Variants in RANBP2 observed in about 807,000 individuals in gnomAD.
RANBP2 encodes RAN binding protein 2.
RANBP2 carries 57 observed loss-of-function variants against 303.6 expected under a neutral mutation model. The observed-to-expected ratio is 0.19, with a 90% CI of 0.15 to 0.23. The LOEUF (loss-of-function observed/expected upper bound fraction) is 0.23. Among genes scored for constraint, RANBP2 ranks in the 10% least tolerant of loss-of-function variants. RANBP2 has a pLI of 1.00. For missense variants in RANBP2, 3,138 were observed against 3,780.8 expected (o/e 0.83, Z 4.46); for synonymous variants, 1,167 against 1,301.5 (o/e 0.90, Z 2.23).
the RANBP2 span, among the ~76,000 whole-genome samples, chr2:109,093,039 T>C: frequency 6.6e-6 from 1 of 152,218 alleles, no homozygotes; most frequent in African/African-American, 2.4e-5. Context: ...CTTGTGACCA[T>C]GTGGGGATAC....
the RANBP2 span, among the ~76,000 whole-genome samples, chr2:109,441,211 A>C: frequency 2.0e-5 from 3 of 152,270 alleles, no homozygotes; most frequent in East Asian, 3.9e-4. Context: ...TGAGGCATGC[A>C]AAGGAGCAGG....
the RANBP2 span, among the ~76,000 whole-genome samples, chr2:109,249,532 T>TTTCTTTCCTTCCTTCCTTCC: frequency 1.0e-5 from 1 of 96,450 alleles, no homozygotes; most frequent in Non-Finnish European, 2.0e-5. Flanking sequence ...TCTTTCTTTC[T>TTTCTTTCCTTCCTTCCTTCC]TTCCTTCCTT....
the RANBP2 span, among the ~76,000 whole-genome samples, chr2:109,523,579 C>T: frequency 3.3e-5 from 5 of 152,172 alleles, no homozygotes; most frequent in Non-Finnish European, 7.3e-5. Flanking sequence ...ACCTTTCAAC[C>T]ATAACTCATT....
chr2:109,469,325 G>A, the RANBP2 span, among the ~76,000 whole-genome samples: 1 of 152,250 alleles, frequency 6.6e-6, no homozygotes, highest in East Asian at 1.9e-4. Flanking sequence ...CCTGGGGTGT[G>A]TGGCATGCGG....
chr2:109,220,865 C>CTGTA, the RANBP2 span, among the ~76,000 whole-genome samples: 1 of 152,234 alleles, frequency 6.6e-6, no homozygotes, highest in Non-Finnish European at 1.5e-5. Flanking sequence ...CATGCAATTA[C>CTGTA]TGTATAATTT....
At chr2:109,079,968 A>C in the RANBP2 span, among the ~76,000 whole-genome samples, 1 of 152,210 alleles carries the variant, frequency 6.6e-6, no homozygotes, top group Non-Finnish European at 1.5e-5. Flanking sequence ...AGGCATGAGG[A>C]CGCATTTCTG....
chr2:108,725,486 G>C (rs919898097), intron 1 of RANBP2, among the ~76,000 whole-genome samples: 1 of 152,212 alleles, frequency 6.6e-6, no homozygotes, highest in Admixed American at 6.5e-5. Flanking sequence ...AACTGGCTGG[G>C]CTCAATGGCT....
the RANBP2 span, among the ~76,000 whole-genome samples, chr2:109,338,839 C>G: frequency 6.6e-6 from 1 of 152,126 alleles, no homozygotes; most frequent in Admixed American, 6.5e-5. Context: ...GCCATTGCGC[C>G]AAGTCTTGCA....
the RANBP2 span, among the ~76,000 whole-genome samples, chr2:109,032,593 G>A: frequency 6.6e-6 from 1 of 151,740 alleles, no homozygotes; most frequent in Admixed American, 6.6e-5. Flanking sequence ...CCATGGGGTG[G>A]GGTGGGGGAG....
chr2:108,774,238 A>G (rs552552092), intron 23 of RANBP2, among the ~76,000 whole-genome samples: 6 of 152,234 alleles, frequency 3.9e-5, no homozygotes, highest in East Asian at 3.9e-4. Context: ...CTTGTTATAA[A>G]TTTTTGGGTT....
chr2:108,746,977 A>T (rs1423908558), intron 8 of RANBP2, among the ~76,000 whole-genome samples, 179 bp downstream of exon 8: 2 of 152,256 alleles, frequency 1.3e-5, no homozygotes, highest in Non-Finnish European at 2.9e-5. Flanking sequence ...TTCTTTAAAA[A>T]AATGAATATT....
At chr2:109,574,502 A>T in the RANBP2 span, 3 of 858,596 alleles carry the variant, frequency 3.5e-6, no homozygotes, top group Non-Finnish European at 4.8e-6. Context: ...GTTACAATAT[A>T]TATCCATATT....
chr2:108,916,562 G>A, the RANBP2 span, among the ~76,000 whole-genome samples: 1 of 152,162 alleles, frequency 6.6e-6, no homozygotes, highest in African/African-American at 2.4e-5. Context: ...TCACCGGATG[G>A]TTCCCTCCAA....
chr2:109,269,450 C>T, the RANBP2 span, among the ~76,000 whole-genome samples: 3 of 152,182 alleles, frequency 2.0e-5, no homozygotes, highest in South Asian at 2.1e-4. Flanking sequence ...ATCCAGCCCC[C>T]CTTTCTTCTG....
At chr2:109,148,542 C>T in the RANBP2 span, among the ~76,000 whole-genome samples, 1 of 152,216 alleles carries the variant, frequency 6.6e-6, no homozygotes, top group African/African-American at 2.4e-5. Context: ...GGGAATATTA[C>T]TGCTGACTGG....
At chr2:109,353,406 T>C in the RANBP2 span, among the ~76,000 whole-genome samples, 1 of 152,226 alleles carries the variant, frequency 6.6e-6, no homozygotes, top group African/African-American at 2.4e-5. Flanking sequence ...CACCCCACAC[T>C]GAGACTCCCT....
chr2:109,275,410 C>T, the RANBP2 span, among the ~76,000 whole-genome samples: 1,206 of 152,274 alleles, frequency 7.9e-3, 9 homozygotes, highest in Non-Finnish European at 0.011. Flanking sequence ...AGGAGGGTTC[C>T]GTGACCCTCC....
chr2:109,133,160 C>T, the RANBP2 span, among the ~76,000 whole-genome samples: 1 of 152,270 alleles, frequency 6.6e-6, no homozygotes, highest in East Asian at 1.9e-4. Context: ...GGTGTCACTC[C>T]AGAATTCTGT....
rs972066666 is a variant in RANBP2, at chr2:108,784,128, G to A, written c.*227G>A. The A allele has an allele frequency of 2.3e-5, 12 of 517,738 alleles. No homozygotes were observed. The highest frequency in any genetic ancestry group is 4.1e-5 in the Non-Finnish European group (12 of 289,776). The allele number at this position is 517,738 out of a possible 1,614,324, so 32.1% of individuals were successfully genotyped here. Reference sequence around the variant, plus strand: ...GTATTTCAGGTGTACTTGTGTTTATGTACTCCTGACGTATTAAAATGGAAT... The same window carrying A: ...GTATTTCAGGTGTACTTGTGTTTATATACTCCTGACGTATTAAAATGGAAT... On this transcript the variant is annotated 3_prime_UTR_variant, in exon 29 of 29. Transcript: ENST00000283195.
Sources: gnomAD v4.1 joint callset for allele counts (sites outside exome capture counted in the v4.1 genomes callset) on GRCh38, gnomAD v4.1.1 for gene constraint, MANE v1.5 for transcripts, NCBI Gene and HGNC (gene_info 2026-07-23, HGNC 2026-07-21) for gene names.